Variants in PCDH15 observed in about 807,000 individuals in gnomAD.
PCDH15 encodes the protein protocadherin-15.
PCDH15 carries 129 observed loss-of-function variants against 178.5 expected under a neutral mutation model. That is an observed-to-expected ratio of 0.72 (90% CI 0.63 to 0.84). The LOEUF (loss-of-function observed/expected upper bound fraction) is 0.84. Among genes scored for constraint, PCDH15 ranks in the 40% least tolerant of loss-of-function variants. The probability of loss-of-function intolerance (pLI) is 0.00; values close to 1 mark genes in which losing one functional copy is unlikely to be tolerated. For missense variants in PCDH15, 2,230 were observed against 2,099.9 expected, an observed-to-expected ratio of 1.06 and a Z score of -1.21; for synonymous variants, 800 against 732.0, an observed-to-expected ratio of 1.09 and a Z score of -1.50.
intron 3 of PCDH15, among the ~76,000 whole-genome samples, chr10:54,888,672 G>T (rs1208566980): frequency 6.6e-6 from 1 of 151,516 alleles, no homozygotes; most frequent in Non-Finnish European, 1.5e-5. Context: ...TCTAATAGAT[G>T]TGTGGTGGTA....
In PCDH15 at chr10:54,601,430, T is replaced by G. The variant is rs1002324050; in HGVS notation, c.91+62742A>C. 3.3e-5 allele frequency among the ~76,000 whole-genome samples: 5 copies of G among 152,014 alleles called. No homozygotes were observed. In the East Asian group the frequency reaches 9.7e-4, roughly 29 times the overall value. On this transcript the variant is annotated intron_variant, in intron 2 of 37. Coordinates refer to ENST00000644397, the MANE Select transcript of PCDH15 (RefSeq NM_001384140.1). ...AAAAATACTTGCAGCCAAAAAAAAGTATTTTAAAAAAGCTCAACATCACTG... is the reference window on the plus strand; with the variant it reads ...AAAAATACTTGCAGCCAAAAAAAAGGATTTTAAAAAAGCTCAACATCACTG...
At chr10:54,547,611 AC>A (rs2086009654) in intron 2 of PCDH15, among the ~76,000 whole-genome samples, 1 of 152,130 alleles carries the variant, frequency 6.6e-6, no homozygotes, top group South Asian at 2.1e-4. Flanking sequence ...TGATGTATAT[AC>A]CTTTAGGGAA....
At chr10:53,878,492 A>G (rs2080443337) in intron 26 of PCDH15, among the ~76,000 whole-genome samples, 1 of 141,128 alleles carries the variant, frequency 7.1e-6, no homozygotes, top group Non-Finnish European at 1.5e-5. Context: ...ATATAAATAT[A>G]TAATATATTA....
In PCDH15 at chr10:53,822,611, A is replaced by G. The variant is rs2076366066; in HGVS notation, c.4368-2381T>C. The G allele has an allele frequency of 6.2e-7, 1 of 1,613,982 alleles. No individual in the cohort carries two copies. The highest frequency in any genetic ancestry group is 8.5e-7 in the Non-Finnish European group (1 of 1,179,998). On this transcript the variant is annotated intron_variant, in intron 32 of 37. Coordinates refer to ENST00000644397, the MANE Select transcript of PCDH15 (RefSeq NM_001384140.1). ...TAGAGAGTGAAGAATGTAAAACACA[A>G]GGCCTTGAAGGAGAAAGTTCCAAGG...
intron 2 of PCDH15, among the ~76,000 whole-genome samples, chr10:54,550,546 T>C (rs1360852893): frequency 6.6e-6 from 1 of 152,116 alleles, no homozygotes; most frequent in African/African-American, 2.4e-5. Context: ...ATGTTTGTTG[T>C]ATTTTTTTCT....
At chr10:54,840,208 A>G (rs780584116) in intron 3 of PCDH15, among the ~76,000 whole-genome samples, 1 of 152,064 alleles carries the variant, frequency 6.6e-6, no homozygotes, top group Non-Finnish European at 1.5e-5. Flanking sequence ...TCTAGTTGAA[A>G]ATTTAAAAAT....
chr10:54,493,523 G>A (rs930231332), intron 3 of PCDH15, among the ~76,000 whole-genome samples: 2 of 152,002 alleles, frequency 1.3e-5, no homozygotes, highest in African/African-American at 4.8e-5. Context: ...TAAAGTGTAT[G>A]TTTGGAGAGA....
intron 2 of PCDH15, among the ~76,000 whole-genome samples, chr10:55,111,284 A>G (rs779954729): frequency 6.6e-6 from 1 of 152,212 alleles, no homozygotes; most frequent in Non-Finnish European, 1.5e-5. Flanking sequence ...TAGATAATTT[A>G]CATCTAGTCT....
chr10:55,535,787 T>G (rs541192852), intron 2 of PCDH15, among the ~76,000 whole-genome samples: 2 of 152,010 alleles, frequency 1.3e-5, no homozygotes, highest in Non-Finnish European at 2.9e-5. Flanking sequence ...GGATAATCTT[T>G]CTTAACACTT....
chr10:53,819,957 T>C (rs1422489238), intron 33 of PCDH15, among the ~76,000 whole-genome samples: 2 of 152,012 alleles, frequency 1.3e-5, no homozygotes, highest in East Asian at 1.9e-4. Context: ...ATTATGTAAA[T>C]AGTAAAATGT....
rs187437069 is a variant in PCDH15, at chr10:55,157,849, A to G, written c.-80+8727T>C. Among the ~76,000 whole-genome samples the G allele has an allele frequency of 1.4e-3, 214 of 152,066 alleles. 1 individual carries two copies. The highest frequency in any genetic ancestry group is 5.0e-3 in the African/African-American group (206 of 41,454). ...AGGGATAGCATTAGGAGATATACCT[A>G]ATGTAAATGACGAGTAAATGGGTGC... On this transcript the variant is annotated intron_variant, in intron 2 of 5. Coordinates refer to the PCDH15 transcript ENST00000458638.
intron 2 of PCDH15, among the ~76,000 whole-genome samples, chr10:54,611,889 A>G (rs1234895343): frequency 6.6e-6 from 1 of 151,890 alleles, no homozygotes; most frequent in East Asian, 1.9e-4. Context: ...AACAAATTGT[A>G]TGATTGTATG....
intron 2 of PCDH15, among the ~76,000 whole-genome samples, chr10:54,935,306 A>G (rs1316709823): frequency 3.3e-5 from 5 of 152,208 alleles, no homozygotes; most frequent in South Asian, 2.1e-4. Context: ...TTCTGCATTC[A>G]TTCACTAAGT....
chr10:54,224,235 C>A (rs1412737554), intron 9 of PCDH15, among the ~76,000 whole-genome samples: 1 of 152,146 alleles, frequency 6.6e-6, no homozygotes, highest in African/African-American at 2.4e-5. Flanking sequence ...AAAACACCCA[C>A]AATTTCCTTT....
intron 1 of PCDH15, among the ~76,000 whole-genome samples, chr10:55,292,812 T>C (rs1361176768): frequency 1.3e-5 from 2 of 152,200 alleles, no homozygotes; most frequent in Non-Finnish European, 2.9e-5. Context: ...CAGGGTATAT[T>C]CTCACTCCTG....
chr10:53,869,599 A>C lies in PCDH15; in HGVS notation c.3502-2742T>G, dbSNP rs371586352. Among the ~76,000 whole-genome samples the C allele has an allele frequency of 8.5e-5, 13 of 152,298 alleles. No homozygotes were observed. In the South Asian group the frequency reaches 1.5e-3, roughly 17 times the overall value. ...TGTACAAATTATAAATGTAAAGCTCATTAAAATTTTGCAAAATACACACAT... is the reference window on the plus strand; with the variant it reads ...TGTACAAATTATAAATGTAAAGCTCCTTAAAATTTTGCAAAATACACACAT... On this transcript the variant is annotated intron_variant, in intron 26 of 37. Coordinates refer to ENST00000644397, the MANE Select transcript of PCDH15 (RefSeq NM_001384140.1).
intron 8 of PCDH15, among the ~76,000 whole-genome samples, chr10:54,281,781 A>T (rs1390055662): frequency 6.6e-6 from 1 of 152,016 alleles, no homozygotes; most frequent in African/African-American, 2.4e-5. Flanking sequence ...TGAAATGAAG[A>T]TGCTATAATT....
At chr10:55,201,362 C>A (rs747203251) in intron 1 of PCDH15, among the ~76,000 whole-genome samples, 1 of 152,028 alleles carries the variant, frequency 6.6e-6, no homozygotes, top group Non-Finnish European at 1.5e-5. Context: ...TTCAGTTATG[C>A]ATACTAGTTT....
intron 1 of PCDH15, among the ~76,000 whole-genome samples, chr10:55,253,674 G>T (rs1365883058): frequency 6.6e-6 from 1 of 151,636 alleles, no homozygotes. Context: ...ACCTATTCTT[G>T]TAAAGTATAT....
Sources: allele counts gnomAD v4.1 joint callset (sites outside exome capture counted in the v4.1 genomes callset), GRCh38; gene constraint gnomAD v4.1.1; transcripts MANE v1.5; gene names NCBI Gene and HGNC (gene_info 2026-07-23, HGNC 2026-07-21).